CFAP299: variants seen among roughly 807,000 people sequenced by gnomAD.
CFAP299 encodes the protein cilia- and flagella-associated protein 299.
In CFAP299, 21 loss-of-function variants were observed where a neutral mutation model predicts 27.0. The ratio of observed to expected loss-of-function variants is 0.78; its 90% CI spans 0.55 to 1.12. The LOEUF (loss-of-function observed/expected upper bound fraction) is 1.12. Among genes scored for constraint, CFAP299 ranks in the 50% most tolerant of loss-of-function variants. The pLI, the probability that CFAP299 is intolerant of heterozygous loss-of-function variation, is 0.00. For missense variants in CFAP299, 310 were observed against 276.6 expected (o/e 1.12, Z -0.86); for synonymous variants, 104 against 98.1 (o/e 1.06, Z -0.36).
chr4:80,342,747 A>G (rs186214058), intron 1 of CFAP299, among the ~76,000 whole-genome samples: 94 of 152,298 alleles, frequency 6.2e-4, no homozygotes, highest in African/African-American at 2.2e-3. Flanking sequence ...AACTAATGAC[A>G]CTATGAAGCA....
chr4:80,732,721 C>A (rs1723610822), intron 3 of CFAP299, among the ~76,000 whole-genome samples: 1 of 152,110 alleles, frequency 6.6e-6, no homozygotes, highest in African/African-American at 2.4e-5. Context: ...TTTCTACATT[C>A]TTTTCTGTAT....
chr4:80,388,685 C>A, intron 2 of CFAP299: 2 of 917,406 alleles, frequency 2.2e-6, no homozygotes, highest in East Asian at 4.9e-5. Flanking sequence ...GTTGTCCATT[C>A]CCTCCAGGGC....
At chr4:80,740,397 G>T in intron 3 of CFAP299, among the ~76,000 whole-genome samples, 1 of 152,304 alleles carries the variant, frequency 6.6e-6, no homozygotes, top group South Asian at 2.1e-4. Flanking sequence ...GGTGGTCTTG[G>T]ATAAGATCTG....
At chr4:80,502,461 TTTCTC>T (rs1456370407) in intron 2 of CFAP299, among the ~76,000 whole-genome samples, 1 of 152,102 alleles carries the variant, frequency 6.6e-6, no homozygotes, top group African/African-American at 2.4e-5. Flanking sequence ...AGGTGGTTCT[TTTCTC>T]TTTTCTAGAT....
intron 2 of CFAP299, among the ~76,000 whole-genome samples, chr4:80,492,123 A>T (rs981543551): frequency 2.0e-4 from 30 of 152,206 alleles, no homozygotes; most frequent in Non-Finnish European, 2.1e-4. Flanking sequence ...ATTCACCTAT[A>T]GCCTGGAAGC....
chr4:80,681,587 C>T (rs1359382090), intron 3 of CFAP299, among the ~76,000 whole-genome samples: 2 of 151,964 alleles, frequency 1.3e-5, no homozygotes, highest in Non-Finnish European at 2.9e-5. Context: ...GCCCAGGAAC[C>T]TAGAGATGAA....
chr4:80,912,240 T>G (rs1209352041), intron 4 of CFAP299, among the ~76,000 whole-genome samples: 7 of 152,166 alleles, frequency 4.6e-5, no homozygotes, highest in Non-Finnish European at 1.5e-5. Context: ...TTCAAGATCT[T>G]AAATTACCTC....
chr4:80,638,692 T>C (rs1739575664), intron 3 of CFAP299, among the ~76,000 whole-genome samples: 1 of 152,166 alleles, frequency 6.6e-6, no homozygotes, highest in African/African-American at 2.4e-5. Context: ...GTAAGTTCTA[T>C]TATTCTCTTT....
At chr4:80,730,304 C>A (rs1293256222) in intron 3 of CFAP299, among the ~76,000 whole-genome samples, 1 of 130,026 alleles carries the variant, frequency 7.7e-6, no homozygotes, top group Non-Finnish European at 1.6e-5. Context: ...GTGTGTATGA[C>A]CTGACCTCCG....
At chr4:80,599,117 G>T (rs1737202782) in intron 3 of CFAP299, among the ~76,000 whole-genome samples, 1 of 152,120 alleles carries the variant, frequency 6.6e-6, no homozygotes, top group East Asian at 1.9e-4. Flanking sequence ...ATTTATTTCA[G>T]TTGCAGCATT....
At chr4:80,748,092 T>C (rs765227091) in intron 3 of CFAP299, among the ~76,000 whole-genome samples, 1 of 152,088 alleles carries the variant, frequency 6.6e-6, no homozygotes, top group African/African-American at 2.4e-5. Flanking sequence ...CACACCACCA[T>C]GTAGCCTCTA....
At chr4:80,784,769 C>T (rs568379830) in intron 3 of CFAP299, among the ~76,000 whole-genome samples, 48 of 151,946 alleles carry the variant, frequency 3.2e-4, no homozygotes, top group Non-Finnish European at 6.3e-4. Context: ...ATGATCTGTG[C>T]GCCTCAGCCT....
intron 2 of CFAP299, among the ~76,000 whole-genome samples, chr4:80,477,855 C>A (rs1422054529): frequency 6.6e-6 from 1 of 152,104 alleles, no homozygotes; most frequent in Non-Finnish European, 1.5e-5. Context: ...ATTATTGTTG[C>A]CTGGAAAACC....
intron 4 of CFAP299, among the ~76,000 whole-genome samples, chr4:80,920,764 C>T (rs1376449401): frequency 1.3e-5 from 2 of 152,024 alleles, no homozygotes; most frequent in Admixed American, 6.6e-5. Context: ...TTCTGGGGTG[C>T]ATGTGGAGTA....
At chr4:80,855,360 A>G (rs1313049675) in intron 3 of CFAP299, among the ~76,000 whole-genome samples, 3 of 151,928 alleles carry the variant, frequency 2.0e-5, no homozygotes, top group Non-Finnish European at 4.4e-5. Context: ...TTTCTCCTTT[A>G]TAAATCATCT....
At chr4:80,732,021 T>C (rs774445365) in intron 3 of CFAP299, among the ~76,000 whole-genome samples, 2 of 151,570 alleles carry the variant, frequency 1.3e-5, no homozygotes, top group Non-Finnish European at 2.9e-5. Context: ...TCCTTAAAAG[T>C]GCAATGCAAA....
At chr4:80,829,165 G>A (rs1292591443) in intron 3 of CFAP299, among the ~76,000 whole-genome samples, 1 of 151,848 alleles carries the variant, frequency 6.6e-6, no homozygotes, top group East Asian at 1.9e-4. Context: ...GAAAATAATT[G>A]CAAATCATAT....
At chr4:80,377,401 A>G (rs999889869) in intron 2 of CFAP299, among the ~76,000 whole-genome samples, 3 of 152,058 alleles carry the variant, frequency 2.0e-5, no homozygotes, top group African/African-American at 4.8e-5. Flanking sequence ...TTTTGTAGGT[A>G]CTTTTGTTGA....
At chr4:80,547,646 C>T (rs1430942723) in intron 2 of CFAP299, among the ~76,000 whole-genome samples, 1 of 151,976 alleles carries the variant, frequency 6.6e-6, no homozygotes, top group Admixed American at 6.6e-5. Context: ...GTCTAGTAGC[C>T]AGAATCTGTA....
Sources: gnomAD v4.1 joint callset for allele counts (sites outside exome capture counted in the v4.1 genomes callset) on GRCh38, gnomAD v4.1.1 for gene constraint, MANE v1.5 for transcripts, NCBI Gene and HGNC (gene_info 2026-07-23, HGNC 2026-07-21) for gene names.